Variants in TNIK observed in about 807,000 individuals in gnomAD.
The protein encoded by TNIK is TRAF2 and NCK-interacting protein kinase.
TNIK carries 49 observed loss-of-function variants against 191.3 expected under a neutral mutation model. The observed-to-expected ratio is 0.26, with a 90% CI of 0.20 to 0.32. The LOEUF is 0.32. Among genes scored for constraint, TNIK ranks in the 10% least tolerant of loss-of-function variants. The pLI is 1.00. For missense variants in TNIK, 1,155 were observed against 1,702.3 expected, an observed-to-expected ratio of 0.68 and a Z score of 5.66; for synonymous variants, 594 against 600.9, an observed-to-expected ratio of 0.99 and a Z score of 0.17.
chr3:171,062,489 AT>A lies in TNIK; in HGVS notation c.*1391del, dbSNP rs1457403131. ...ATGCTTGTAGCTTTGGAAAAAAAAA[AT>A]CCCAGTCGCATAAAAGTTCAAATCA... On this transcript the variant is annotated 3_prime_UTR_variant, in exon 33 of 33. Coordinates refer to ENST00000436636, the MANE Select transcript of TNIK (RefSeq NM_015028.4). 2 of 152,166 alleles carry A rather than the reference AT, an allele frequency of 1.3e-5. No individual in the cohort carries two copies. Among genetic ancestry groups the A allele is most frequent in the Non-Finnish European group, 2.9e-5 (2 of 68,030 alleles). The allele number at this position is 152,166 out of a possible 1,614,324, so 9.4% of individuals were successfully genotyped here. A position where few individuals can be genotyped will look rare whatever the true frequency, so the allele number is the denominator to read the frequency against.
At chr3:171,191,285 T>A (rs1274567681) in intron 5 of TNIK, among the ~76,000 whole-genome samples, 1 of 152,234 alleles carries the variant, frequency 6.6e-6, no homozygotes, top group Admixed American at 6.5e-5. Context: ...CCTTACTCTG[T>A]CGCCCAGGCT....
At chr3:171,064,650 T>G (rs1718197743) in intron 32 of TNIK, among the ~76,000 whole-genome samples, 1 of 152,184 alleles carries the variant, frequency 6.6e-6, no homozygotes, top group African/African-American at 2.4e-5. Flanking sequence ...GTTAAGTCAT[T>G]TTATCAAACA....
chr3:171,423,592 G>T (rs1404382801), intron 1 of TNIK, among the ~76,000 whole-genome samples: 1 of 152,088 alleles, frequency 6.6e-6, no homozygotes, highest in African/African-American at 2.4e-5. Context: ...ATACTATAAG[G>T]CTACAGTAAC....
chr3:171,167,950 TAACTC>T (rs1734805570), intron 9 of TNIK, among the ~76,000 whole-genome samples: 1 of 152,226 alleles, frequency 6.6e-6, no homozygotes, highest in Non-Finnish European at 1.5e-5. Flanking sequence ...CCTTTGTCGT[TAACTC>T]AAGGACTTAG....
chr3:171,100,840 G>C (rs1364431181), intron 22 of TNIK, among the ~76,000 whole-genome samples: 4 of 149,654 alleles, frequency 2.7e-5, no homozygotes, highest in African/African-American at 9.8e-5. Context: ...GAACTGCAAA[G>C]AGACTGACAG....
chr3:171,423,658 G>C (rs1724123027), intron 1 of TNIK, among the ~76,000 whole-genome samples: 2 of 152,148 alleles, frequency 1.3e-5, no homozygotes. Flanking sequence ...GAACAGAACA[G>C]AGCCCTCAGA....
At chr3:171,261,459 A>G (rs1747601227) in intron 2 of TNIK, among the ~76,000 whole-genome samples, 1 of 152,216 alleles carries the variant, frequency 6.6e-6, no homozygotes, top group Non-Finnish European at 1.5e-5. Flanking sequence ...ATGTCAATCT[A>G]CTTTCAAACA....
chr3:171,322,961 G>C (rs1307014272), intron 2 of TNIK, among the ~76,000 whole-genome samples: 1 of 151,712 alleles, frequency 6.6e-6, no homozygotes, highest in Non-Finnish European at 1.5e-5. Context: ...AAGTGTTTGG[G>C]GAGAAAACGT....
intron 2 of TNIK, among the ~76,000 whole-genome samples, chr3:171,289,032 A>G (rs1312524616): frequency 6.6e-6 from 1 of 152,190 alleles, no homozygotes; most frequent in African/African-American, 2.4e-5. Flanking sequence ...AATAATTTAA[A>G]TTATAATGTA....
intron 2 of TNIK, among the ~76,000 whole-genome samples, chr3:171,268,067 A>C (rs1192544445): frequency 6.6e-6 from 1 of 152,208 alleles, no homozygotes; most frequent in Non-Finnish European, 1.5e-5. Context: ...AAACCGTCTC[A>C]AAACTTGAGC....
intron 16 of TNIK, among the ~76,000 whole-genome samples, chr3:171,127,381 TA>T (rs1030990922): frequency 2.6e-4 from 40 of 151,484 alleles, no homozygotes; most frequent in Non-Finnish European, 5.9e-5. Flanking sequence ...AAAGCCCATT[TA>T]AAAAAATATC....
At chr3:171,260,160 T>A (rs1747420987) in intron 2 of TNIK, among the ~76,000 whole-genome samples, 1 of 152,132 alleles carries the variant, frequency 6.6e-6, no homozygotes, top group African/African-American at 2.4e-5. Flanking sequence ...AAGAGTCCTG[T>A]TAGGTTGCTT....
intron 4 of TNIK, among the ~76,000 whole-genome samples, chr3:171,197,775 G>A (rs1420103082): frequency 1.3e-5 from 2 of 152,226 alleles, no homozygotes; most frequent in Admixed American, 6.5e-5. Flanking sequence ...AAGTATTGGT[G>A]AGGATGTGGG....
rs917790366 is a variant in TNIK at position 171,366,802 on chromosome 3, G to A, written c.123+2818C>T. Among the ~76,000 whole-genome samples, 2 of 152,168 alleles carry A rather than the reference G, an allele frequency of 1.3e-5. No individual in the cohort carries two copies. The highest frequency in any genetic ancestry group is 6.5e-5 in the Admixed American group (1 of 15,282). ...CGTAATCCCCATGTGTCATGGGAGA[G>A]ACCAGGTGGAGATAATTGAATCATG... On this transcript the variant is annotated intron_variant, in intron 2 of 32. Transcript: ENST00000436636. The surrounding 1 kb of genome is among the most constrained non-coding windows in gnomAD (Gnocchi z 4.1).
At chr3:171,441,781 G>T (rs1298513497) in intron 1 of TNIK, among the ~76,000 whole-genome samples, 1 of 152,192 alleles carries the variant, frequency 6.6e-6, no homozygotes, top group Non-Finnish European at 1.5e-5. Flanking sequence ...ATGTATGAGA[G>T]TTCCAGTTTC....
chr3:171,430,046 C>A (rs192025308), intron 1 of TNIK, among the ~76,000 whole-genome samples: 44 of 152,210 alleles, frequency 2.9e-4, no homozygotes, highest in Non-Finnish European at 2.1e-4. Context: ...GAGCCCACCT[C>A]CCTGTAATTT....
intron 23 of TNIK, among the ~76,000 whole-genome samples, chr3:171,093,584 A>C (rs139864439): frequency 5.4e-4 from 82 of 152,338 alleles, no homozygotes; most frequent in Middle Eastern, 6.8e-3. Context: ...CCCAAATTCT[A>C]TATTCTGATT....
chr3:171,304,537 G>T (rs1229139476), intron 2 of TNIK, among the ~76,000 whole-genome samples: 1 of 152,160 alleles, frequency 6.6e-6, no homozygotes. Flanking sequence ...TATAAATCAT[G>T]CTGCTTTAAA....
At chr3:171,334,459 A>G (rs1756748146) in intron 2 of TNIK, among the ~76,000 whole-genome samples, 5 of 152,190 alleles carry the variant, frequency 3.3e-5, no homozygotes, top group Admixed American at 3.3e-4. Context: ...TGGCCATCAG[A>G]GACCTGCGAG....
Sources: gnomAD v4.1 joint callset for allele counts (sites outside exome capture counted in the v4.1 genomes callset) on GRCh38, gnomAD v4.1.1 for gene constraint, Gnocchi (gnomAD v3.1) non-coding constraint, MANE v1.5 for transcripts, NCBI Gene and HGNC (gene_info 2026-07-23, HGNC 2026-07-21) for gene names.